Variants in RFTN2 observed in about 807,000 individuals in gnomAD.
RFTN2 encodes the protein raftlin-2.
A neutral mutation model predicts 52.7 loss-of-function variants in RFTN2; 34 were observed. The ratio of observed to expected loss-of-function variants is 0.64; its 90% confidence interval spans 0.49 to 0.86. The LOEUF (loss-of-function observed/expected upper bound fraction) is 0.86, where lower values mean the gene tolerates loss of function less well. Ranked by LOEUF, RFTN2 falls within the 40% of genes least tolerant of loss-of-function variation. The pLI is 0.00. For missense variants in RFTN2, 536 were observed against 600.1 expected (o/e 0.89, Z 1.12); for synonymous variants, 203 against 217.7 (o/e 0.93, Z 0.59).
intron 8 of RFTN2, among the ~76,000 whole-genome samples, chr2:197,576,081 A>G (rs1259545611): frequency 6.6e-6 from 1 of 151,474 alleles, no homozygotes; most frequent in Non-Finnish European, 1.5e-5. Context: ...CAATCCCAGC[A>G]CACTGTAGCT....
At chr2:197,632,663 T>A (rs2088485535) in intron 4 of RFTN2, among the ~76,000 whole-genome samples, 1 of 152,150 alleles carries the variant, frequency 6.6e-6, no homozygotes, top group South Asian at 2.1e-4. Context: ...AGCTAGGGAA[T>A]GGGTGAGAAA....
At chr2:197,623,283 C>T (rs1279401802) in intron 5 of RFTN2, among the ~76,000 whole-genome samples, 2 of 152,154 alleles carry the variant, frequency 1.3e-5, no homozygotes, top group African/African-American at 4.8e-5. Flanking sequence ...AGGTTGACTC[C>T]AATTTTCATG....
intron 8 of RFTN2, among the ~76,000 whole-genome samples, chr2:197,582,328 C>T (rs1232438187): frequency 1.3e-5 from 2 of 152,258 alleles, no homozygotes; most frequent in African/African-American, 4.8e-5. Context: ...CTGGCCCAGA[C>T]TTCAATCTGG....
Position 197,671,609 on chromosome 2 carries a change from T to C in RFTN2, c.139+3711A>G, listed in dbSNP as rs368462459. 2.2e-4 allele frequency among the ~76,000 whole-genome samples: 34 copies of C among 152,330 alleles called. No homozygotes were observed. The South Asian group carries it at 3.3e-3, about 15-fold the overall frequency. ...ACAAAATATCCGAGGGCAGAAACTG[T>C]CTTATTCTTTTTTATATTTCCAATG... On this transcript the variant is annotated intron_variant, in intron 1 of 8. Transcript: ENST00000295049.
chr2:197,572,990 G>A (rs1001581050), intron 8 of RFTN2, among the ~76,000 whole-genome samples: 3 of 151,982 alleles, frequency 2.0e-5, no homozygotes, highest in Non-Finnish European at 2.9e-5. Context: ...GCCTCCCTAC[G>A]TGGAACTGTG....
chr2:197,598,940 T>C (rs532188032), intron 7 of RFTN2, among the ~76,000 whole-genome samples: 91 of 152,208 alleles, frequency 6.0e-4, no homozygotes, highest in Non-Finnish European at 3.8e-4. Flanking sequence ...ATGTCTATTT[T>C]ACCATATTCT....
At chr2:197,588,007 C>T (rs969146804) in intron 8 of RFTN2, 1 of 470,496 alleles carries the variant, frequency 2.1e-6, no homozygotes, top group African/African-American at 2.0e-5. Context: ...TCTTTTCACA[C>T]TGTCTTACCC....
chr2:197,613,712 A>G (rs1157978335), intron 7 of RFTN2, among the ~76,000 whole-genome samples: 1 of 152,248 alleles, frequency 6.6e-6, no homozygotes, highest in African/African-American at 2.4e-5. Context: ...TTGTTACCAA[A>G]TGACCTTCAT....
At chr2:197,645,106 A>T (rs966629551) in intron 2 of RFTN2, among the ~76,000 whole-genome samples, 1 of 152,202 alleles carries the variant, frequency 6.6e-6, no homozygotes, top group Non-Finnish European at 1.5e-5. Context: ...TGGTTTTGAT[A>T]TACAGTCATG....
At chr2:197,616,084 T>C in intron 6 of RFTN2, 105 bp from the exon 7 acceptor site, 1 of 641,204 alleles carries the variant, frequency 1.6e-6, no homozygotes, top group Non-Finnish European at 2.8e-6. Flanking sequence ...TTCACTTTCA[T>C]CCGCTGCAGC....
At chr2:197,616,275 T>TTTATTTTATTTATTTTA (rs1553601957) in intron 6 of RFTN2, among the ~76,000 whole-genome samples, 6 of 61,502 alleles carry the variant, frequency 9.8e-5, no homozygotes, top group Non-Finnish European at 1.7e-4. Context: ...CTGCATTTTA[T>TTTATTTTATTTATTTTA]TTTATTTTAT....
chr2:197,634,242 T>A (rs757433916), intron 3 of RFTN2, among the ~76,000 whole-genome samples: 1 of 152,142 alleles, frequency 6.6e-6, no homozygotes, highest in Non-Finnish European at 1.5e-5. Flanking sequence ...AAACAGGAAT[T>A]ATTTTTCCCT....
intron 8 of RFTN2, among the ~76,000 whole-genome samples, chr2:197,574,444 T>C (rs2087378786): frequency 6.6e-6 from 1 of 152,246 alleles, no homozygotes; most frequent in Non-Finnish European, 1.5e-5. Context: ...ATTTACCCAA[T>C]GCCTGTACCC....
chr2:197,651,520 G>A (rs536520297), intron 1 of RFTN2, among the ~76,000 whole-genome samples: 180 of 152,332 alleles, frequency 1.2e-3, no homozygotes, highest in African/African-American at 4.1e-3. Context: ...TTGGGAGGCT[G>A]AGGCAGGAGA....
At chr2:197,583,210 C>A (rs984068442) in intron 8 of RFTN2, among the ~76,000 whole-genome samples, 1 of 152,276 alleles carries the variant, frequency 6.6e-6, no homozygotes, top group East Asian at 1.9e-4. Context: ...TGTTCAGGCT[C>A]CCTCACTTCC....
intron 8 of RFTN2, among the ~76,000 whole-genome samples, chr2:197,576,636 G>A (rs1052629098): frequency 8.6e-5 from 13 of 152,036 alleles, no homozygotes; most frequent in African/African-American, 2.2e-4. Flanking sequence ...TAAAATACCC[G>A]GGTATTTTCT....
At chr2:197,670,674 C>CA (rs1046944584) in intron 1 of RFTN2, among the ~76,000 whole-genome samples, 14 of 148,794 alleles carry the variant, frequency 9.4e-5, no homozygotes, top group East Asian at 7.9e-4. Context: ...GACCCTGTCT[C>CA]AAAAAAAAAA....
intron 5 of RFTN2, among the ~76,000 whole-genome samples, chr2:197,621,345 A>C (rs2088260663): frequency 6.7e-6 from 1 of 150,334 alleles, no homozygotes; most frequent in South Asian, 2.1e-4. Context: ...GGGAGGCACT[A>C]GCACAGTCCC....
chr2:197,630,314 A>G (rs1341925387), intron 5 of RFTN2, among the ~76,000 whole-genome samples: 1 of 152,100 alleles, frequency 6.6e-6, no homozygotes, highest in Non-Finnish European at 1.5e-5. Flanking sequence ...ATTATCCTGG[A>G]TTTCCTAAAC....
Sources: gnomAD v4.1 joint callset for allele counts (sites outside exome capture counted in the v4.1 genomes callset) on GRCh38, gnomAD v4.1.1 for gene constraint, MANE v1.5 for transcripts, NCBI Gene and HGNC (gene_info 2026-07-23, HGNC 2026-07-21) for gene names.